Variants in FAM83D observed in about 807,000 individuals in gnomAD.
FAM83D encodes the protein scaffolding CK1 anchoring protein D.
Under a neutral mutation model 25.4 loss-of-function variants are expected in FAM83D, and 26 were observed. That is an observed-to-expected ratio of 1.02 (90% CI 0.75 to 1.42). The LOEUF (loss-of-function observed/expected upper bound fraction) is 1.42. FAM83D is among the 40% of genes most tolerant of loss of function. FAM83D has a pLI of 0.00. For synonymous variants in FAM83D, 310 were observed against 318.5 expected, an observed-to-expected ratio of 0.97 and a Z score of 0.28; for missense variants, 740 against 758.1, an observed-to-expected ratio of 0.98 and a Z score of 0.28.
chr20:38,930,219 G>A (rs2085653271), intron 1 of FAM83D, among the ~76,000 whole-genome samples: 1 of 152,222 alleles, frequency 6.6e-6, no homozygotes, highest in South Asian at 2.1e-4. Flanking sequence ...AAGCTGTTCT[G>A]CATCCGTGTT....
At chr20:38,934,087 G>A (rs1011349627) in intron 1 of FAM83D, among the ~76,000 whole-genome samples, 4 of 152,052 alleles carry the variant, frequency 2.6e-5, no homozygotes, top group Admixed American at 6.5e-5. Context: ...AGCTCCTGAC[G>A]TCGTGATCTG....
Position 38,952,700 on chromosome 20 carries a change from A to T in FAM83D, c.*180A>T, listed in dbSNP as rs1046307694. ...ACATGCTTTGTTTTGTCATGTATAT[A>T]CCAGGTATTGGTTTTATGGTTTAAA... On this transcript the variant is annotated 3_prime_UTR_variant, in exon 4 of 4. Transcript: ENST00000619850. 3.6e-5 allele frequency: 26 copies of T among 716,966 alleles called. No individual in the cohort carries two copies. Among genetic ancestry groups the T allele is most frequent in the Non-Finnish European group, 4.1e-5 (18 of 442,432 alleles). 44.4% of individuals were successfully genotyped at this position (716,966 alleles called of 1,614,324 possible). A position where few individuals can be genotyped will look rare whatever the true frequency, so the allele number is the denominator to read the frequency against.
In FAM83D at chr20:38,934,394, G is replaced by A. The variant is rs368175079; in HGVS notation, c.483+7469G>A. Among the ~76,000 whole-genome samples the A allele has an allele frequency of 5.5e-4, 83 of 151,592 alleles. No individual in the cohort carries two copies. The South Asian group carries it at 0.015, about 27-fold the overall frequency. ...TGTAATCCTGGCTACTTGGGAGGCCGAGGCAGGAGAATAGCTTGAACCTGG... is the reference window on the plus strand; with the variant it reads ...TGTAATCCTGGCTACTTGGGAGGCCAAGGCAGGAGAATAGCTTGAACCTGG... On this transcript the variant is annotated intron_variant, in intron 1 of 3. Coordinates refer to ENST00000619850, the MANE Select transcript of FAM83D (RefSeq NM_030919.3).
At chr20:38,944,116 G>GT (rs2085715486) in intron 2 of FAM83D, among the ~76,000 whole-genome samples, 1 of 152,184 alleles carries the variant, frequency 6.6e-6, no homozygotes, top group Admixed American at 6.5e-5. Context: ...ACCTGTATGA[G>GT]TATCTATTAT....
In FAM83D at chr20:38,952,603, C is replaced by A; in HGVS notation, c.*83C>A. The A allele has an allele frequency of 6.9e-7, 1 of 1,442,054 alleles. No individual in the cohort carries two copies. The highest frequency in any genetic ancestry group is 9.4e-7 in the Non-Finnish European group (1 of 1,065,876). 89.3% of individuals were successfully genotyped at this position (1,442,054 alleles called of 1,614,324 possible). A position where few individuals can be genotyped will look rare whatever the true frequency, so the allele number is the denominator to read the frequency against. ...CCTGCTTTAAAAAATATCTTATGTC[C>A]CTAATTGCCTTTCTTTTACCTGACT... is the stretch of plus-strand genomic sequence containing the variant. On this transcript the variant is annotated 3_prime_UTR_variant, in exon 4 of 4. Transcript: ENST00000619850.
intron 1 of FAM83D, among the ~76,000 whole-genome samples, chr20:38,932,257 G>A (rs2085661639): frequency 1.3e-5 from 2 of 152,176 alleles, no homozygotes; most frequent in South Asian, 4.1e-4. Flanking sequence ...GTGGTGGCAT[G>A]TGCCTGTAGT....
At chr20:38,948,205 T>C (rs1015313695) in intron 3 of FAM83D, among the ~76,000 whole-genome samples, 2 of 152,186 alleles carry the variant, frequency 1.3e-5, no homozygotes, top group African/African-American at 4.8e-5. Context: ...CTGTAGTCCA[T>C]AGATTAAAAT....
chr20:38,951,471 A>G (rs1034025280), intron 3 of FAM83D, 68 bp from the exon 4 acceptor site: 1 of 1,528,328 alleles, frequency 6.5e-7, no homozygotes, highest in Non-Finnish European at 8.8e-7. Flanking sequence ...TATTATTCAG[A>G]TGGACAGTGA....
intron 1 of FAM83D, among the ~76,000 whole-genome samples, chr20:38,934,465 C>T (rs956837857): frequency 2.7e-5 from 4 of 148,728 alleles, no homozygotes; most frequent in African/African-American, 1.0e-4. Context: ...TGCACTCCGG[C>T]CTGGGCAACA....
intron 2 of FAM83D, among the ~76,000 whole-genome samples, chr20:38,942,900 T>G (rs2085708955): frequency 6.6e-6 from 1 of 152,188 alleles, no homozygotes; most frequent in Non-Finnish European, 1.5e-5. Flanking sequence ...CCAGCTCCCT[T>G]GTTGAAGGCC....
In FAM83D at chr20:38,952,113, C is replaced by A. The variant is rs756607176; in HGVS notation, c.1351C>A (p.Leu451Ile). 2 of 1,614,234 alleles carry A rather than the reference C, an allele frequency of 1.2e-6. No homozygotes were observed. Among genetic ancestry groups the A allele is most frequent in the Non-Finnish European group, 1.7e-6 (2 of 1,180,040 alleles). The change falls in exon 4 of 4, where the codon CTC (leucine) becomes ATC (isoleucine). Residue 451 changes from leucine (L) to isoleucine (I), a missense_variant. This residue lies in a region of FAM83D where 375 missense variants were observed against 403.2 expected (regional missense o/e 0.93). Coordinates refer to ENST00000619850, the MANE Select transcript of FAM83D (RefSeq NM_030919.3). Reference protein sequence around the residue: ...TTQTDMDENILFPRGTQSTEG... With the variant: ...TTQTDMDENIIFPRGTQSTEG... ...TCAGACTGACATGGATGAGAACATTCTCTTTCCTCGAGGAACTCAATCTAC... is the reference window on the plus strand; with the variant it reads ...TCAGACTGACATGGATGAGAACATTATCTTTCCTCGAGGAACTCAATCTAC...
chr20:38,927,241 A>G (rs2145797778), intron 1 of FAM83D, among the ~76,000 whole-genome samples: 1 of 152,334 alleles, frequency 6.6e-6, no homozygotes, highest in East Asian at 1.9e-4. Context: ...TCCAAATTTC[A>G]GTTAAAATCA....
intron 2 of FAM83D, among the ~76,000 whole-genome samples, chr20:38,945,629 C>T (rs937506886): frequency 2.0e-5 from 3 of 152,048 alleles, no homozygotes; most frequent in African/African-American, 4.8e-5. Context: ...GGATCCAATC[C>T]AGTCCAGGAT....
In FAM83D at chr20:38,952,195, C is replaced by A; in HGVS notation, c.1433C>A (p.Ser478Tyr). Reference sequence around the variant, plus strand: ...TCGAGATCTTCCAGTTTGAAGTCTTCCTCCTCTGTGTCTTCCCAAGGCTCT... The same window carrying A: ...TCGAGATCTTCCAGTTTGAAGTCTTACTCCTCTGTGTCTTCCCAAGGCTCT... ...SVSRSSSLKSSSSVSSQGSVA... is the reference protein window; with the variant it reads ...SVSRSSSLKSYSSVSSQGSVA... The change falls in exon 4 of 4, where the codon TCC becomes TAC. Residue 478 changes from serine (S) to tyrosine (Y), a missense_variant. Transcript: ENST00000619850. 3 of 1,614,192 alleles carry A rather than the reference C, an allele frequency of 1.9e-6. No homozygotes were observed. The highest frequency in any genetic ancestry group is 2.5e-6 in the Non-Finnish European group (3 of 1,180,038).
At chr20:38,939,047 C>G (rs1377309855) in intron 1 of FAM83D, among the ~76,000 whole-genome samples, 1 of 152,228 alleles carries the variant, frequency 6.6e-6, no homozygotes, top group African/African-American at 2.4e-5. Flanking sequence ...TGTGATCTTG[C>G]TCATTCATCC....
At chr20:38,938,110 A>T (rs2085686220) in intron 1 of FAM83D, among the ~76,000 whole-genome samples, 1 of 152,252 alleles carries the variant, frequency 6.6e-6, no homozygotes, top group Non-Finnish European at 1.5e-5. Context: ...AATCCAACGC[A>T]CAGGAAAGGG....
intron 1 of FAM83D, among the ~76,000 whole-genome samples, chr20:38,938,240 T>C (rs1026719255): frequency 2.0e-5 from 3 of 152,256 alleles, no homozygotes; most frequent in Non-Finnish European, 4.4e-5. Flanking sequence ...TGGCCGTGCC[T>C]TGTGCTGTGG....
At chr20:38,951,341 T>C (rs1469795923) in intron 3 of FAM83D, among the ~76,000 whole-genome samples, 198 bp from the exon 4 acceptor site, 1 of 152,186 alleles carries the variant, frequency 6.6e-6, no homozygotes, top group Non-Finnish European at 1.5e-5. Flanking sequence ...AGTTGGCCTT[T>C]TTACTTTTAT....
intron 3 of FAM83D, among the ~76,000 whole-genome samples, chr20:38,948,986 A>C (rs1010066241): frequency 6.6e-6 from 1 of 152,220 alleles, no homozygotes; most frequent in African/African-American, 2.4e-5. Context: ...TTTTAACCTA[A>C]GTAGGATTTA....
Sources: gnomAD v4.1 joint callset for allele counts (sites outside exome capture counted in the v4.1 genomes callset) on GRCh38, gnomAD v4.1.1 for gene constraint, gnomAD v4.1.1 regional missense constraint, MANE v1.5 for transcripts, NCBI Gene and HGNC (gene_info 2026-07-23, HGNC 2026-07-21) for gene names.